Variants in CSMD1 observed in about 807,000 individuals in gnomAD.
CSMD1 encodes the protein CUB and sushi domain-containing protein 1.
CSMD1 carries 213 observed loss-of-function variants against 417.5 expected under a neutral mutation model. The ratio of observed to expected loss-of-function variants is 0.51; its 90% CI spans 0.46 to 0.57. The LOEUF is 0.57. Ranked by LOEUF, CSMD1 falls within the 20% of genes least tolerant of loss-of-function variation. The probability of loss-of-function intolerance (pLI) is 0.00; values close to 1 mark genes in which losing one functional copy is unlikely to be tolerated. For missense variants in CSMD1, 6,923 were observed against 4,529.7 expected, an observed-to-expected ratio of 1.53 and a Z score of -15.17; for synonymous variants, 2,862 against 1,736.8, an observed-to-expected ratio of 1.65 and a Z score of -16.11.
chr8:4,043,033 G>A (rs1797972883), intron 3 of CSMD1, among the ~76,000 whole-genome samples: 1 of 151,970 alleles, frequency 6.6e-6, no homozygotes, highest in South Asian at 2.1e-4. Flanking sequence ...TTGGGAGGTT[G>A]AAGCAGGAGA....
chr8:4,752,766 G>T (rs745717721), intron 1 of CSMD1, among the ~76,000 whole-genome samples: 2 of 152,160 alleles, frequency 1.3e-5, no homozygotes, highest in Non-Finnish European at 2.9e-5. Flanking sequence ...GGACAAAAGT[G>T]AGGTATTGCA....
At chr8:3,070,492 T>C (rs1174185916) in intron 49 of CSMD1, among the ~76,000 whole-genome samples, 1 of 152,188 alleles carries the variant, frequency 6.6e-6, no homozygotes, top group Non-Finnish European at 1.5e-5. Flanking sequence ...TTTAACCAGA[T>C]ACCCAACTCA....
Position 3,694,913 on chromosome 8 carries a change from A to T in CSMD1, c.1009+13501T>A, listed in dbSNP as rs1800462836. The stretch of plus-strand genomic sequence containing the variant: ...TTCTGGGTGTGAGGGGAAATCGCAC[A>T]TCATTAGCACCACGTGTAGCTTGCC... On this transcript the variant is annotated intron_variant, in intron 7 of 69. Coordinates refer to ENST00000635120, the MANE Select transcript of CSMD1 (RefSeq NM_033225.6). 5.3e-5 allele frequency among the ~76,000 whole-genome samples: 8 copies of T among 152,250 alleles called. No homozygotes were observed. The South Asian group carries it at 1.2e-3, about 24-fold the overall frequency.
chr8:4,016,037 C>T lies in CSMD1; in HGVS notation c.610+15868G>A, dbSNP rs537142298. Among the ~76,000 whole-genome samples the T allele has an allele frequency of 3.3e-5, 5 of 152,290 alleles. No individual in the cohort carries two copies. The South Asian group carries it at 1.0e-3, about 32-fold the overall frequency. ...TGTCTTTCAGCCTTGGACATGACATCTAAGCTCTCAGAGAATGTGATTCCA... is the reference window on the plus strand; with the variant it reads ...TGTCTTTCAGCCTTGGACATGACATTTAAGCTCTCAGAGAATGTGATTCCA... On this transcript the variant is annotated intron_variant, in intron 4 of 69. Coordinates refer to ENST00000635120, the MANE Select transcript of CSMD1 (RefSeq NM_033225.6).
Position 3,257,081 on chromosome 8 carries a change from G to C in CSMD1, c.4154-26850C>G, listed in dbSNP as rs10106690. 6.3e-3 allele frequency among the ~76,000 whole-genome samples: 961 copies of C among 152,276 alleles called. 9 individuals are homozygous for C. The highest frequency in any genetic ancestry group is 0.022 in the African/African-American group (912 of 41,550). Reference sequence around the variant, plus strand: ...TCATGCCTGTAATCCCAGCACTTTGGGAGGCCAAGGTGGGTGGATCACTTG... The same window carrying C: ...TCATGCCTGTAATCCCAGCACTTTGCGAGGCCAAGGTGGGTGGATCACTTG... On this transcript the variant is annotated intron_variant, in intron 26 of 69. Transcript: ENST00000635120.
At chr8:3,642,126 A>G (rs955201072) in intron 7 of CSMD1, among the ~76,000 whole-genome samples, 1 of 152,086 alleles carries the variant, frequency 6.6e-6, no homozygotes, top group Non-Finnish European at 1.5e-5. Flanking sequence ...TGGAAACTGG[A>G]AACTCACACA....
At chr8:3,469,969 T>A (rs549760104) in intron 11 of CSMD1, among the ~76,000 whole-genome samples, 1 of 152,226 alleles carries the variant, frequency 6.6e-6, no homozygotes, top group Non-Finnish European at 1.5e-5. Flanking sequence ...ATTTTTTTCT[T>A]TCTTTCTTAT....
chr8:3,153,336 C>T (rs1819316976), intron 39 of CSMD1, among the ~76,000 whole-genome samples: 1 of 152,212 alleles, frequency 6.6e-6, no homozygotes, highest in South Asian at 2.1e-4. Context: ...GGGCAACCAG[C>T]AGCCCTCGGG....
At chr8:3,999,007 T>A (rs186687958) in intron 4 of CSMD1, among the ~76,000 whole-genome samples, 2,071 of 148,556 alleles carry the variant, frequency 0.014, 50 homozygotes, top group African/African-American at 0.048. Context: ...TATATATAAA[T>A]AACATATAAA....
chr8:3,694,784 C>A (rs1800455742), intron 7 of CSMD1, among the ~76,000 whole-genome samples: 1 of 151,634 alleles, frequency 6.6e-6, no homozygotes, highest in Non-Finnish European at 1.5e-5. Flanking sequence ...GCGGTCCAAG[C>A]AGAAGTAACA....
intron 47 of CSMD1, among the ~76,000 whole-genome samples, chr8:3,095,732 T>C (rs1404930009): frequency 2.6e-5 from 4 of 152,206 alleles, no homozygotes; most frequent in Non-Finnish European, 5.9e-5. Context: ...CCTGTTATTA[T>C]GTACAGCCAT....
intron 17 of CSMD1, among the ~76,000 whole-genome samples, chr8:3,395,610 T>G (rs1811642651): frequency 6.6e-6 from 1 of 152,240 alleles, no homozygotes; most frequent in Non-Finnish European, 1.5e-5. Flanking sequence ...TTTTGACAAT[T>G]GTTTTAAAAT....
At chr8:4,341,833 T>C (rs980751503) in intron 3 of CSMD1, among the ~76,000 whole-genome samples, 2 of 152,098 alleles carry the variant, frequency 1.3e-5, no homozygotes, top group African/African-American at 4.8e-5. Context: ...ATCTGCATAA[T>C]AACAGAAGGA....
At chr8:4,506,416 C>T (rs1305178138) in intron 2 of CSMD1, among the ~76,000 whole-genome samples, 2 of 152,076 alleles carry the variant, frequency 1.3e-5, no homozygotes, top group Non-Finnish European at 2.9e-5. Flanking sequence ...TGATGAACGC[C>T]GCACTTCAGG....
At chr8:3,205,649 C>T (rs766057827) in intron 30 of CSMD1, 29 bp from the exon 31 acceptor site, 72 of 1,150,762 alleles carry the variant, frequency 6.3e-5, no homozygotes, top group Non-Finnish European at 8.1e-5. Context: ...GAGAATTAGT[C>T]GCTGTGCAAT....
intron 5 of CSMD1, among the ~76,000 whole-genome samples, chr8:3,854,305 G>T (rs1281837398): frequency 4.0e-5 from 6 of 151,648 alleles, no homozygotes; most frequent in Non-Finnish European, 8.8e-5. Context: ...AATTTTAGTA[G>T]TGTGCACTGC....
At position 4,636,044 on chromosome 8, in the gene CSMD1, T is replaced by C. The variant is rs546025254; in HGVS notation, c.302+1298A>G. On this transcript the variant is annotated intron_variant, in intron 2 of 69. Transcript: ENST00000635120. ...TATATTTTATATTTAACCTATTAGTTATGTAGCATATATTGACATATTATA... is the reference window on the plus strand; with the variant it reads ...TATATTTTATATTTAACCTATTAGTCATGTAGCATATATTGACATATTATA... Among the ~76,000 whole-genome samples, 8 of 152,156 alleles carry C rather than the reference T, an allele frequency of 5.3e-5. No individual in the cohort carries two copies. In the South Asian group the frequency reaches 1.7e-3, roughly 32 times the overall value.
chr8:4,267,512 G>A (rs1208458103), intron 3 of CSMD1, among the ~76,000 whole-genome samples: 4 of 151,646 alleles, frequency 2.6e-5, no homozygotes, highest in African/African-American at 7.3e-5. Context: ...AACGCAGTAA[G>A]TATTGATCCC....
intron 49 of CSMD1, among the ~76,000 whole-genome samples, chr8:3,056,009 A>G (rs1249059313): frequency 6.6e-6 from 1 of 152,250 alleles, no homozygotes; most frequent in Non-Finnish European, 1.5e-5. Flanking sequence ...ACAAATTATT[A>G]TACGCAGAAA....
Sources: gnomAD v4.1 joint callset for allele counts (sites outside exome capture counted in the v4.1 genomes callset) on GRCh38, gnomAD v4.1.1 for gene constraint, MANE v1.5 for transcripts, NCBI Gene and HGNC (gene_info 2026-07-23, HGNC 2026-07-21) for gene names.